OLFM1: variants seen among roughly 807,000 people sequenced by gnomAD.
OLFM1 encodes the protein olfactomedin 1, also known as noelin.
OLFM1 carries 9 observed loss-of-function variants against 49.7 expected under a neutral mutation model. The observed-to-expected ratio is 0.18, with a 90% confidence interval of 0.11 to 0.32. OLFM1 has a LOEUF of 0.32. Among genes scored for constraint, OLFM1 ranks in the 10% least tolerant of loss-of-function variants. The pLI, the probability that OLFM1 is intolerant of heterozygous loss-of-function variation, is 1.00. For missense variants in OLFM1, 369 were observed against 661.8 expected, an observed-to-expected ratio of 0.56 and a Z score of 4.85; for synonymous variants, 240 against 271.8, an observed-to-expected ratio of 0.88 and a Z score of 1.15.
At chr9:135,086,426 G>T (rs1054710570), upstream of OLFM1, 1 of 362,636 alleles carries the variant, frequency 2.8e-6, no homozygotes, top group Non-Finnish European at 5.4e-6. Context: ...CACACAGAGA[G>T]AAAAGCCCCA....
intron 5 of OLFM1, among the ~76,000 whole-genome samples, chr9:135,114,915 T>C (rs1484916758): frequency 6.6e-6 from 1 of 152,120 alleles, no homozygotes; most frequent in Non-Finnish European, 1.5e-5. Flanking sequence ...GGAATAGCCC[T>C]CTTCGCACGC....
upstream of OLFM1, chr9:135,087,175 G>A: frequency 7.4e-7 from 1 of 1,358,844 alleles, no homozygotes; most frequent in Non-Finnish European, 9.6e-7. Flanking sequence ...CCCTGGCGCT[G>A]GAGGCCCTCG....
chr9:135,095,544 G>GAGAGAT (rs909095432), intron 2 of OLFM1, among the ~76,000 whole-genome samples: 3 of 149,586 alleles, frequency 2.0e-5, no homozygotes, highest in Non-Finnish European at 4.4e-5. Context: ...GAGAGAGAGA[G>GAGAGAT]ATCAAGAGAA....
chr9:135,084,292 G>T (rs35699517), upstream of OLFM1, among the ~76,000 whole-genome samples: 1 of 151,604 alleles, frequency 6.6e-6, no homozygotes, highest in East Asian at 1.9e-4. The surrounding 1 kb of genome is among the most constrained non-coding windows in gnomAD (Gnocchi z 4.6). Flanking sequence ...TTCTCTCTCT[G>T]TGTCACTCTA....
intron 5 of OLFM1, among the ~76,000 whole-genome samples, chr9:135,112,769 G>A: frequency 6.6e-6 from 1 of 152,218 alleles, no homozygotes; most frequent in East Asian, 1.9e-4. Flanking sequence ...CGGCGTGAGA[G>A]CTTGCCTTCT....
chr9:135,112,258 T>C (rs1399720655), intron 5 of OLFM1, among the ~76,000 whole-genome samples: 1 of 152,196 alleles, frequency 6.6e-6, no homozygotes, highest in African/African-American at 2.4e-5. Context: ...ACCCGCCCTG[T>C]GGGGCTCTCA....
Position 135,117,691 on chromosome 9 carries a change from A to G in OLFM1, c.784-1813A>G, listed in dbSNP as rs953042130. Among the ~76,000 whole-genome samples the G allele has an allele frequency of 5.9e-5, 9 of 152,206 alleles. No homozygotes were observed. The highest frequency in any genetic ancestry group is 1.7e-4 in the African/African-American group (7 of 41,462). ...ATGGGCCAGGCCCCTGGCTAGGGGT[A>G]TGGCAGTGAACAGATAGGTGCAGCT... On this transcript the variant is annotated intron_variant, in intron 5 of 5. Coordinates refer to ENST00000371793, the MANE Select transcript of OLFM1 (RefSeq NM_001282611.2). The surrounding 1 kb of genome is among the most constrained non-coding windows in gnomAD (Gnocchi z 5.5).
upstream of OLFM1, chr9:135,087,153 G>T: frequency 8.0e-7 from 1 of 1,249,334 alleles, no homozygotes; most frequent in South Asian, 1.7e-5. Flanking sequence ...CTCCACCGAT[G>T]CCCCGACGCC....
chr9:135,079,728 G>A (rs1830510112), intron 1 of OLFM1, among the ~76,000 whole-genome samples: 1 of 152,184 alleles, frequency 6.6e-6, no homozygotes, highest in Non-Finnish European at 1.5e-5. Context: ...TATTTGAAGT[G>A]TTTGAAGATG....
chr9:135,110,817 C>A lies in OLFM1; in HGVS notation c.783+3962C>A, dbSNP rs572541454. On this transcript the variant is annotated intron_variant, in intron 5 of 5. Transcript: ENST00000371793. The stretch of plus-strand genomic sequence containing the variant: ...GCTTTAGAGTGTCTTTTCCAGCGGC[C>A]CAGGCTCCTTGATGTTAGGAATTCT... Among the ~76,000 whole-genome samples the A allele has an allele frequency of 1.5e-4, 23 of 152,332 alleles. No individual in the cohort carries two copies. In the South Asian group the frequency reaches 4.4e-3, roughly 29 times the overall value.
intron 2 of OLFM1, among the ~76,000 whole-genome samples, chr9:135,091,884 C>T (rs1302344152): frequency 1.1e-5 from 1 of 93,770 alleles, no homozygotes; most frequent in Non-Finnish European, 2.2e-5. Flanking sequence ...GTCACACACA[C>T]ACTCACACAT....
chr9:135,103,423 T>A (rs1412205332), intron 4 of OLFM1, among the ~76,000 whole-genome samples: 1 of 152,202 alleles, frequency 6.6e-6, no homozygotes, highest in Non-Finnish European at 1.5e-5. Flanking sequence ...CTGGGAGCTG[T>A]GCCTACAGCC....
rs1323647718 is a variant in OLFM1, at chr9:135,118,812, C to T, written c.784-692C>T. On this transcript the variant is annotated intron_variant, in intron 5 of 5. Coordinates refer to ENST00000371793, the MANE Select transcript of OLFM1 (RefSeq NM_001282611.2). ...CTCGCCGTGTCTTTGGAGTGCTCGC[C>T]GGGTCTTTGGAGTGCTCGCCGGGTC... 5.0e-3 allele frequency among the ~76,000 whole-genome samples: 539 copies of T among 108,458 alleles called. 6 individuals are homozygous for T. The highest frequency in any genetic ancestry group is 0.018 in the African/African-American group (507 of 27,826). The allele number at this position is 108,458 out of a possible 152,430, so 71.2% of individuals were successfully genotyped here.
rs1830663689 is a variant in OLFM1, at chr9:135,090,215, G to A, written c.171G>A (p.Glu57=). The change falls in exon 2 of 6, where the codon GAG becomes GAA. Residue 57 remains glutamate, a synonymous_variant. Transcript: ENST00000371793. The stretch of plus-strand genomic sequence containing the variant: ...TCCAGGTGCTGCCCACCAACCCTGA[G>A]GAGAGCTGGCAGGTGTACAGCTCTG... The part of the protein sequence containing the change: ...RSTGVLPTNP[E]ESWQVYSSAQ... The A allele has an allele frequency of 1.2e-6, 2 of 1,612,486 alleles. No homozygotes were observed. Among genetic ancestry groups the A allele is most frequent in the Admixed American group, 1.7e-5 (1 of 60,012 alleles).
In OLFM1 at chr9:135,099,696, A is replaced by T. The variant is rs547776332; in HGVS notation, c.676+1191A>T. Among the ~76,000 whole-genome samples, 79 of 152,292 alleles carry T rather than the reference A, an allele frequency of 5.2e-4. 2 individuals carry two copies. The South Asian group carries it at 0.015, about 30-fold the overall frequency. ...GGAGTCAGAGAACTAATCCATTTTG[A>T]TGTGTGCATGCTGGCTGTGTCTCAC... is the stretch of plus-strand genomic sequence containing the variant. On this transcript the variant is annotated intron_variant, in intron 4 of 5. Coordinates refer to ENST00000371793, the MANE Select transcript of OLFM1 (RefSeq NM_001282611.2).
intron 5 of OLFM1, among the ~76,000 whole-genome samples, chr9:135,109,679 G>C (rs990879861): frequency 2.0e-5 from 3 of 151,912 alleles, no homozygotes; most frequent in Non-Finnish European, 4.4e-5. Flanking sequence ...CTCCCATTCA[G>C]TTTTGATCAC....
At chr9:135,090,374 ATGTGTGTGTGTTTG>A (rs1564269853) in intron 2 of OLFM1, 30 bp downstream of exon 2, 1 of 1,355,418 alleles carries the variant, frequency 7.4e-7, no homozygotes, top group Non-Finnish European at 1.0e-6. Context: ...GTGAGTTTGT[ATGTGTGTGTGTTTG>A]TGTGTGTGTG....
At chr9:135,081,311 G>A (rs1194903156) in intron 1 of OLFM1, among the ~76,000 whole-genome samples, 3 of 152,218 alleles carry the variant, frequency 2.0e-5, no homozygotes, top group Non-Finnish European at 4.4e-5. Context: ...ACAGCGCAGT[G>A]TCACCGAACA....
chr9:135,085,893 T>A (rs1830590078), upstream of OLFM1, among the ~76,000 whole-genome samples: 1 of 151,896 alleles, frequency 6.6e-6, no homozygotes, highest in African/African-American at 2.4e-5. Context: ...TTGGAGCCGC[T>A]CAGGTGCAGG....
Sources: allele counts gnomAD v4.1 joint callset (sites outside exome capture counted in the v4.1 genomes callset), GRCh38; gene constraint gnomAD v4.1.1; non-coding constraint Gnocchi (gnomAD v3.1); transcripts MANE v1.5; gene names NCBI Gene and HGNC (gene_info 2026-07-23, HGNC 2026-07-21).